The following CCDC148 variants were observed in gnomAD, a reference collection of about 807,000 sequenced individuals.
CCDC148 encodes coiled-coil domain containing 148.
In CCDC148, 89 loss-of-function variants were observed where a neutral mutation model predicts 85.7. The ratio of observed to expected loss-of-function variants is 1.04; its 90% confidence interval spans 0.87 to 1.24. The LOEUF is 1.24. Among genes scored for constraint, CCDC148 ranks in the 50% most tolerant of loss-of-function variants. CCDC148 has a pLI of 0.00. For synonymous variants in CCDC148, 230 were observed against 213.9 expected, an observed-to-expected ratio of 1.08 and a Z score of -0.66; for missense variants, 692 against 671.7, an observed-to-expected ratio of 1.03 and a Z score of -0.33.
chr2:158,291,826 T>C (rs1312592429), intron 9 of CCDC148, among the ~76,000 whole-genome samples: 5 of 152,208 alleles, frequency 3.3e-5, no homozygotes, highest in African/African-American at 1.2e-4. Flanking sequence ...AATGAGTAAA[T>C]GAATAAATTA....
At chr2:158,411,381 C>T (rs1052006859) in intron 1 of CCDC148, among the ~76,000 whole-genome samples, 1 of 151,978 alleles carries the variant, frequency 6.6e-6, no homozygotes, top group Non-Finnish European at 1.5e-5. Context: ...CACTCTTTCT[C>T]GTTTTTTCTT....
intron 11 of CCDC148, among the ~76,000 whole-genome samples, chr2:158,198,267 A>C (rs2105279722): frequency 6.6e-6 from 1 of 152,292 alleles, no homozygotes. Flanking sequence ...AGGATATCTG[A>C]ATATCTCACT....
intron 9 of CCDC148, among the ~76,000 whole-genome samples, chr2:158,298,933 C>T (rs1454311089): frequency 3.9e-5 from 6 of 152,118 alleles, no homozygotes; most frequent in Non-Finnish European, 8.8e-5. Flanking sequence ...ATATTTTGGA[C>T]ATTGTGAATC....
chr2:158,405,696 G>A (rs939877575), intron 1 of CCDC148, among the ~76,000 whole-genome samples: 4 of 152,090 alleles, frequency 2.6e-5, no homozygotes, highest in Non-Finnish European at 4.4e-5. Context: ...AGATTGGATC[G>A]TGGTTTCAAA....
intron 7 of CCDC148, among the ~76,000 whole-genome samples, chr2:158,321,470 G>C (rs1477597370): frequency 6.6e-6 from 1 of 152,154 alleles, no homozygotes; most frequent in African/African-American, 2.4e-5. Flanking sequence ...AACCAGCTCA[G>C]ACTGGAAGTG....
At chr2:158,304,265 A>G (rs1691580523) in intron 9 of CCDC148, among the ~76,000 whole-genome samples, 1 of 152,098 alleles carries the variant, frequency 6.6e-6, no homozygotes, top group Non-Finnish European at 1.5e-5. Context: ...GGGCTAAAGA[A>G]AAGGAAAGCA....
intron 1 of CCDC148, among the ~76,000 whole-genome samples, chr2:158,359,724 A>G (rs1441630317): frequency 6.6e-6 from 1 of 152,214 alleles, no homozygotes; most frequent in Non-Finnish European, 1.5e-5. Flanking sequence ...CTATGCCACC[A>G]GAGCCCCGGG....
intron 11 of CCDC148, among the ~76,000 whole-genome samples, chr2:158,181,311 G>A (rs756972873): frequency 6.6e-6 from 1 of 152,164 alleles, no homozygotes; most frequent in Non-Finnish European, 1.5e-5. Context: ...TTGTGTGGTA[G>A]AGAAGGCTGA....
intron 10 of CCDC148, among the ~76,000 whole-genome samples, chr2:158,250,017 G>A (rs1688724727): frequency 6.6e-6 from 1 of 152,038 alleles, no homozygotes; most frequent in African/African-American, 2.4e-5. Context: ...TATTTCTACA[G>A]AGCTTAGCCA....
intron 1 of CCDC148, among the ~76,000 whole-genome samples, chr2:158,412,916 T>C (rs920654297): frequency 6.6e-6 from 1 of 150,464 alleles, no homozygotes; most frequent in Admixed American, 6.6e-5. Context: ...GTTAGTTACA[T>C]ATGTATACAT....
At chr2:158,399,575 A>G (rs1685682146) in intron 1 of CCDC148, among the ~76,000 whole-genome samples, 1 of 152,192 alleles carries the variant, frequency 6.6e-6, no homozygotes, top group African/African-American at 2.4e-5. Flanking sequence ...AAAATTCAAC[A>G]GCTTTTCATG....
At chr2:158,409,933 A>C (rs558611292) in intron 1 of CCDC148, among the ~76,000 whole-genome samples, 23 of 152,306 alleles carry the variant, frequency 1.5e-4, no homozygotes, top group African/African-American at 5.5e-4. Context: ...TGGTTTTATA[A>C]GAAATCCCTT....
chr2:158,182,139 T>A (rs1037492580), intron 11 of CCDC148, among the ~76,000 whole-genome samples: 1 of 152,058 alleles, frequency 6.6e-6, no homozygotes, highest in African/African-American at 2.4e-5. Context: ...AAGAATTAAG[T>A]TCAGTTTGAA....
chr2:158,178,169 T>G (rs550700137), intron 12 of CCDC148: 7 of 152,156 alleles, frequency 4.6e-5, no homozygotes, highest in African/African-American at 1.7e-4. Context: ...CAAGTTCTTA[T>G]CCATGATTCT....
At chr2:158,271,116 TAATCATCA>T (rs1237497792) in intron 9 of CCDC148, among the ~76,000 whole-genome samples, 1 of 152,214 alleles carries the variant, frequency 6.6e-6, no homozygotes, top group Non-Finnish European at 1.5e-5. Context: ...TGTTTCAGCA[TAATCATCA>T]TCACTTTCAC....
At chr2:158,218,413 AT>A (rs954988184) in intron 11 of CCDC148, among the ~76,000 whole-genome samples, 31 of 151,906 alleles carry the variant, frequency 2.0e-4, no homozygotes, top group Admixed American at 6.6e-4. Flanking sequence ...TAATATGCTT[AT>A]TTTTTTTCTT....
chr2:158,403,659 C>T (rs752283428), intron 1 of CCDC148, among the ~76,000 whole-genome samples: 70 of 151,742 alleles, frequency 4.6e-4, no homozygotes, highest in Admixed American at 2.6e-3. Flanking sequence ...AAAGCCATAA[C>T]GCTGCCAAGA....
chr2:158,360,036 T>A (rs1337756078), intron 1 of CCDC148, among the ~76,000 whole-genome samples: 2 of 152,176 alleles, frequency 1.3e-5, no homozygotes. Context: ...GGTTTCCCCC[T>A]CACAGTGTAA....
chr2:158,309,594 G>C lies in CCDC148; in HGVS notation c.949C>G (p.Gln317Glu). Residue 317 changes from glutamine to glutamate, a missense_variant, in exon 9 of 14, where the codon CAG (glutamine) becomes GAG (glutamate). Transcript: ENST00000283233. ...YCDQYRFAIEQQNILISNWNK... is the reference protein window; with the variant it reads ...YCDQYRFAIEEQNILISNWNK... ...CAATTTGATATCAGGATATTTTGCT[G>C]CTCTATAGCAAAGCGATATTGGTCA... 6.2e-7 allele frequency: 1 copy of C among 1,613,594 alleles called. No homozygotes were observed. The highest frequency in any genetic ancestry group is 8.5e-7 in the Non-Finnish European group (1 of 1,179,636).
Sources: gnomAD v4.1 joint callset for allele counts (sites outside exome capture counted in the v4.1 genomes callset) on GRCh38, gnomAD v4.1.1 for gene constraint, MANE v1.5 for transcripts, NCBI Gene and HGNC (gene_info 2026-07-23, HGNC 2026-07-21) for gene names.